MIS18A: variants seen among roughly 807,000 people sequenced by gnomAD.
MIS18A encodes the protein protein Mis18-alpha.
Under a neutral mutation model 25.0 loss-of-function variants are expected in MIS18A, and 14 were observed. The observed-to-expected ratio is 0.56, with a 90% CI of 0.37 to 0.88. The LOEUF is 0.88. Among genes scored for constraint, MIS18A ranks in the 40% least tolerant of loss-of-function variants. The pLI, the probability that MIS18A is intolerant of heterozygous loss-of-function variation, is 0.00. For missense variants in MIS18A, 292 were observed against 290.8 expected (o/e 1.00, Z -0.03); for synonymous variants, 134 against 118.6 (o/e 1.13, Z -0.84).
At chr21:32,194,680 T>C in the MIS18A span, among the ~76,000 whole-genome samples, 1 of 150,672 alleles carries the variant, frequency 6.6e-6, no homozygotes, top group Middle Eastern at 3.2e-3. Context: ...AAAAAAGATA[T>C]AGATATAGAC....
At chr21:32,234,371 A>G in the MIS18A span, among the ~76,000 whole-genome samples, 1 of 152,142 alleles carries the variant, frequency 6.6e-6, no homozygotes, top group African/African-American at 2.4e-5. Flanking sequence ...AGCTCCCTCA[A>G]TGTGCTTCCC....
At chr21:32,182,159 A>G in the MIS18A span, among the ~76,000 whole-genome samples, 1 of 152,180 alleles carries the variant, frequency 6.6e-6, no homozygotes, top group East Asian at 1.9e-4. Flanking sequence ...CATCTTATCC[A>G]TCAATTCTGA....
At chr21:32,272,151 G>A (rs1457149776) in intron 2 of MIS18A, among the ~76,000 whole-genome samples, 1 of 152,170 alleles carries the variant, frequency 6.6e-6, no homozygotes, top group Non-Finnish European at 1.5e-5. Flanking sequence ...CCCTTTCATT[G>A]AACAGTAACA....
chr21:32,266,926 C>G (rs1275510254), downstream of MIS18A, among the ~76,000 whole-genome samples: 27 of 152,020 alleles, frequency 1.8e-4, no homozygotes, highest in Non-Finnish European at 2.9e-5. Flanking sequence ...CTTGTTGCCT[C>G]AAGTAGTAGG....
At chr21:32,251,009 T>C in the MIS18A span, among the ~76,000 whole-genome samples, 1 of 152,198 alleles carries the variant, frequency 6.6e-6, no homozygotes, top group Non-Finnish European at 1.5e-5. Flanking sequence ...CTGATGGTTT[T>C]ATAATGGGCT....
chr21:32,207,687 CTTTTTT>C, the MIS18A span, among the ~76,000 whole-genome samples: 1 of 147,324 alleles, frequency 6.8e-6, no homozygotes, highest in African/African-American at 2.5e-5. Context: ...TTTTCTTTTT[CTTTTTT>C]TTTTGGGTTA....
chr21:32,256,174 T>G, the MIS18A span, among the ~76,000 whole-genome samples: 1 of 152,196 alleles, frequency 6.6e-6, no homozygotes, highest in Non-Finnish European at 1.5e-5. Context: ...TGCTCAAACC[T>G]AAAGAGAATT....
At chr21:32,267,046 A>C (rs1468015115), downstream of MIS18A, among the ~76,000 whole-genome samples, 1 of 152,212 alleles carries the variant, frequency 6.6e-6, no homozygotes. Context: ...CAGGCTTCAG[A>C]GAAACAAGCG....
chr21:32,159,151 C>A, the MIS18A span, among the ~76,000 whole-genome samples: 251 of 152,184 alleles, frequency 1.6e-3, no homozygotes, highest in African/African-American at 5.6e-3. Flanking sequence ...TCCTACAATT[C>A]TTAAATTGGA....
chr21:32,164,386 C>T, the MIS18A span, among the ~76,000 whole-genome samples: 1 of 152,182 alleles, frequency 6.6e-6, no homozygotes, highest in East Asian at 1.9e-4. Flanking sequence ...TCAAACCTTT[C>T]AAGAAGCACA....
chr21:32,254,766 T>G, the MIS18A span, among the ~76,000 whole-genome samples: 1 of 152,178 alleles, frequency 6.6e-6, no homozygotes, highest in African/African-American at 2.4e-5. Flanking sequence ...TCATTCCACA[T>G]CTTAATCCGG....
chr21:32,224,093 A>G, the MIS18A span, among the ~76,000 whole-genome samples: 1 of 151,842 alleles, frequency 6.6e-6, no homozygotes, highest in African/African-American at 2.4e-5. Context: ...CATGCTAAAA[A>G]CTCTCAATAA....
chr21:32,219,457 C>G, the MIS18A span, among the ~76,000 whole-genome samples: 1 of 152,192 alleles, frequency 6.6e-6, no homozygotes, highest in Non-Finnish European at 1.5e-5. Context: ...AGATACTATG[C>G]TTTTCCCACG....
At chr21:32,248,927 C>G in the MIS18A span, among the ~76,000 whole-genome samples, 2 of 152,218 alleles carry the variant, frequency 1.3e-5, no homozygotes, top group South Asian at 2.1e-4. Context: ...TTGCAGGAAG[C>G]AAGTAGCTGG....
At chr21:32,254,754 G>A in the MIS18A span, among the ~76,000 whole-genome samples, 4 of 152,094 alleles carry the variant, frequency 2.6e-5, no homozygotes, top group African/African-American at 9.7e-5. Context: ...CTCATTGTAT[G>A]TTCATTCCAC....
chr21:32,207,232 G>A, the MIS18A span, among the ~76,000 whole-genome samples: 1 of 152,116 alleles, frequency 6.6e-6, no homozygotes, highest in Non-Finnish European at 1.5e-5. Context: ...TGAGGAAAAT[G>A]GATAAATGCA....
At chr21:32,243,937 C>T in the MIS18A span, among the ~76,000 whole-genome samples, 1 of 151,962 alleles carries the variant, frequency 6.6e-6, no homozygotes, top group Non-Finnish European at 1.5e-5. Context: ...CTGGGCGACA[C>T]AGCGAGACCC....
the MIS18A span, among the ~76,000 whole-genome samples, chr21:32,221,514 C>G: frequency 6.7e-3 from 1,019 of 152,068 alleles, 11 homozygotes; most frequent in African/African-American, 0.023. Context: ...CGGTACCAGC[C>G]ACTGCAAAAA....
the MIS18A span, among the ~76,000 whole-genome samples, chr21:32,214,858 G>A: frequency 2.0e-5 from 3 of 152,204 alleles, no homozygotes; most frequent in African/African-American, 7.2e-5. Flanking sequence ...ACAAGCCCCA[G>A]CCCCGGAGCC....
Sources: allele counts gnomAD v4.1 joint callset (sites outside exome capture counted in the v4.1 genomes callset), GRCh38; gene constraint gnomAD v4.1.1; transcripts MANE v1.5; gene names NCBI Gene and HGNC (gene_info 2026-07-23, HGNC 2026-07-21).